EPHB1: variants seen among roughly 807,000 people sequenced by gnomAD.
EPHB1 encodes the protein ephrin type-B receptor 1.
In EPHB1, 30 loss-of-function variants were observed where a neutral mutation model predicts 94.4. The ratio of observed to expected loss-of-function variants is 0.32; its 90% CI spans 0.24 to 0.43. The LOEUF (loss-of-function observed/expected upper bound fraction) is 0.43, where lower values mean the gene tolerates loss of function less well. Among genes scored for constraint, EPHB1 ranks in the 20% least tolerant of loss-of-function variants. EPHB1 has a pLI of 1.00. For synonymous variants in EPHB1, 522 were observed against 489.1 expected (o/e 1.07, Z -0.89); for missense variants, 1,055 against 1,308.3 (o/e 0.81, Z 2.99).
intron 9 of EPHB1, among the ~76,000 whole-genome samples, chr3:135,173,277 G>T (rs1246573870): frequency 3.3e-5 from 5 of 151,830 alleles, no homozygotes; most frequent in Non-Finnish European, 7.4e-5. Context: ...CTCGTGATCC[G>T]CCCGCCTCGG....
chr3:135,035,918 C>G (rs761581530), intron 3 of EPHB1, among the ~76,000 whole-genome samples: 1 of 152,298 alleles, frequency 6.6e-6, no homozygotes, highest in Admixed American at 6.5e-5. Context: ...GCCGAAGCAT[C>G]TGGTCTAGCC....
intron 3 of EPHB1, among the ~76,000 whole-genome samples, chr3:135,085,818 T>TC (rs1446481774): frequency 2.6e-5 from 4 of 152,182 alleles, no homozygotes; most frequent in African/African-American, 9.7e-5. Flanking sequence ...CTGCTTCTCT[T>TC]CCCCCAGGGA....
At chr3:135,220,938 G>A (rs964238158) in intron 12 of EPHB1, among the ~76,000 whole-genome samples, 2 of 152,134 alleles carry the variant, frequency 1.3e-5, no homozygotes, top group African/African-American at 4.8e-5. Flanking sequence ...GGGCTTTCTG[G>A]CCCATGACTT....
At chr3:135,112,090 G>A (rs1016070954) in intron 4 of EPHB1, among the ~76,000 whole-genome samples, 18 of 152,256 alleles carry the variant, frequency 1.2e-4, no homozygotes, top group African/African-American at 4.3e-4. Context: ...GAAGCACAAC[G>A]TGGCTGGAGT....
At chr3:134,969,017 C>A (rs1933869077) in intron 3 of EPHB1, among the ~76,000 whole-genome samples, 1 of 152,170 alleles carries the variant, frequency 6.6e-6, no homozygotes, top group African/African-American at 2.4e-5. Flanking sequence ...CATACATTTT[C>A]ATTTCTCTAG....
chr3:135,215,547 G>A lies in EPHB1; in HGVS notation c.2346+13858G>A, dbSNP rs183829244. Among the ~76,000 whole-genome samples, 679 of 152,286 alleles carry A rather than the reference G, an allele frequency of 4.5e-3. 4 individuals are homozygous for A. The highest frequency in any genetic ancestry group is 0.016 in the African/African-American group (655 of 41,548). ...TCACTCTATAACAGAAAACAATAAG[G>A]CAGACAGCCACCAGAAATCCAGAAA... On this transcript the variant is annotated intron_variant, in intron 12 of 15. Transcript: ENST00000398015.
chr3:134,934,392 G>A (rs1389003074), intron 2 of EPHB1, among the ~76,000 whole-genome samples: 4 of 152,158 alleles, frequency 2.6e-5, no homozygotes, highest in Non-Finnish European at 4.4e-5. Flanking sequence ...CAGTGGCCAC[G>A]AGATTCAGAT....
chr3:134,844,007 A>T (rs535095753), intron 1 of EPHB1, among the ~76,000 whole-genome samples: 1 of 152,346 alleles, frequency 6.6e-6, no homozygotes, highest in Non-Finnish European at 1.5e-5. Flanking sequence ...AATGTATTAT[A>T]GCAACTCTGA....
In EPHB1 at chr3:135,025,587, AC is replaced by A. The variant is rs1405351572; in HGVS notation, c.805+73536del. ...TAGTATTCCATGGTGTATATGTGCC[AC>A]AATTTGCTTAATCAAGTCTATCATT... On this transcript the variant is annotated intron_variant, in intron 3 of 15. Coordinates refer to ENST00000398015, the MANE Select transcript of EPHB1 (RefSeq NM_004441.5). Among the ~76,000 whole-genome samples the A allele has an allele frequency of 5.8e-5, 3 of 51,978 alleles. 1 individual carries two copies. The highest frequency in any genetic ancestry group is 1.4e-4 in the Non-Finnish European group (3 of 21,464). The allele number at this position is 51,978 out of a possible 152,430, so 34.1% of individuals were successfully genotyped here. A position where few individuals can be genotyped will look rare whatever the true frequency, so the allele number is the denominator to read the frequency against.
At chr3:134,796,092 C>G in intron 1 of EPHB1, 1 of 269,324 alleles carries the variant, frequency 3.7e-6, no homozygotes, top group Non-Finnish European at 7.1e-6. Flanking sequence ...TACTGGCGCC[C>G]GTCTGCTCCC....
At chr3:135,061,839 C>A (rs1937515174) in intron 3 of EPHB1, among the ~76,000 whole-genome samples, 2 of 152,238 alleles carry the variant, frequency 1.3e-5, no homozygotes, top group South Asian at 4.2e-4. Context: ...TGAGTGAGAA[C>A]ATGCGGTGTT....
At chr3:135,249,187 T>G (rs1932954883) in intron 14 of EPHB1, 149 bp from the exon 15 acceptor site, 1 of 898,330 alleles carries the variant, frequency 1.1e-6, no homozygotes, top group Non-Finnish European at 1.6e-6. Context: ...TAGGATTCCA[T>G]GAAGAAGAAA....
chr3:135,104,188 G>T (rs1939127004), intron 3 of EPHB1, among the ~76,000 whole-genome samples: 1 of 152,194 alleles, frequency 6.6e-6, no homozygotes, highest in Admixed American at 6.5e-5. Context: ...ACTGGCTGCA[G>T]AACTGAATGG....
At chr3:135,026,720 C>A (rs1936189396) in intron 3 of EPHB1, among the ~76,000 whole-genome samples, 1 of 129,138 alleles carries the variant, frequency 7.7e-6, no homozygotes, top group African/African-American at 2.8e-5. Flanking sequence ...TCCATATGAA[C>A]TTTAAAGTAG....
intron 3 of EPHB1, among the ~76,000 whole-genome samples, chr3:134,982,836 A>G (rs1934457909): frequency 1.3e-5 from 2 of 151,956 alleles, no homozygotes; most frequent in South Asian, 4.2e-4. Context: ...AAAACTGTGA[A>G]TATAGCAATT....
chr3:134,893,749 C>T (rs995431863), intron 1 of EPHB1, among the ~76,000 whole-genome samples: 4 of 152,194 alleles, frequency 2.6e-5, no homozygotes, highest in Non-Finnish European at 4.4e-5. Flanking sequence ...CATATGCTGT[C>T]GTATTGTGTC....
chr3:134,929,239 G>A (rs552244822), intron 2 of EPHB1, among the ~76,000 whole-genome samples: 16 of 152,316 alleles, frequency 1.1e-4, no homozygotes, highest in Admixed American at 6.5e-4. Flanking sequence ...ACAGAGCCAT[G>A]AAATAGAAAA....
At chr3:134,812,575 G>A (rs2036197637) in intron 1 of EPHB1, among the ~76,000 whole-genome samples, 1 of 152,188 alleles carries the variant, frequency 6.6e-6, no homozygotes, top group African/African-American at 2.4e-5. Context: ...GAATATTTGA[G>A]TACATGTCTT....
At chr3:135,220,733 C>A (rs1331743447) in intron 12 of EPHB1, among the ~76,000 whole-genome samples, 1 of 151,912 alleles carries the variant, frequency 6.6e-6, no homozygotes, top group African/African-American at 2.4e-5. Context: ...GTGACAAGGG[C>A]AAGGCTGGTA....
Sources: allele counts gnomAD v4.1 joint callset (sites outside exome capture counted in the v4.1 genomes callset), GRCh38; gene constraint gnomAD v4.1.1; transcripts MANE v1.5; gene names NCBI Gene and HGNC (gene_info 2026-07-23, HGNC 2026-07-21).